The following APAF1 variants were observed in gnomAD, a reference collection of about 807,000 sequenced individuals.
APAF1 encodes the protein apoptotic peptidase activating factor 1.
APAF1 carries 91 observed loss-of-function variants against 152.4 expected under a neutral mutation model. The observed-to-expected ratio is 0.60, with a 90% CI of 0.50 to 0.71. The LOEUF (loss-of-function observed/expected upper bound fraction) is 0.71, where lower values mean the gene tolerates loss of function less well. Ranked by LOEUF, APAF1 falls within the 30% of genes least tolerant of loss-of-function variation. The probability of loss-of-function intolerance (pLI) is 0.00; values close to 1 mark genes in which losing one functional copy is unlikely to be tolerated. For missense variants in APAF1, 1,283 were observed against 1,472.0 expected (o/e 0.87, Z 2.10); for synonymous variants, 484 against 494.1 (o/e 0.98, Z 0.27).
chr12:98,666,651 T>C (rs149604516), intron 9 of APAF1, among the ~76,000 whole-genome samples: 1 of 152,314 alleles, frequency 6.6e-6, no homozygotes, highest in Non-Finnish European at 1.5e-5. Flanking sequence ...TCTCCTCAAA[T>C]CTGTGAAAAT....
In APAF1 at chr12:98,696,895, A is replaced by G. The variant is rs116039326; in HGVS notation, c.2305-2513A>G. ...TGGATTTTAAACCCTGAAAAAGAAA[A>G]AAGTATACTTCCTGGCTGTTCTGAA... On this transcript the variant is annotated intron_variant, in intron 16 of 26. Coordinates refer to ENST00000551964, the MANE Select transcript of APAF1 (RefSeq NM_181861.2). Among the ~76,000 whole-genome samples, 1,001 of 152,320 alleles carry G rather than the reference A, an allele frequency of 6.6e-3. 12 individuals are homozygous for G. Among genetic ancestry groups the G allele is most frequent in the African/African-American group, 0.023 (941 of 41,572 alleles).
In APAF1 at chr12:98,671,033, C is replaced by T. The variant is rs544766657; in HGVS notation, c.1555C>T (p.Pro519Ser). ...WIKAKTELVG[P>S]AHLIHEFVEY... ...TAAAGCAAAAACAGAACTTGTAGGC[C>T]CTGCTCATCTGATTCATGAATTTGT... Residue 519 changes from proline (P) to serine (S), a missense_variant, in exon 11 of 27, where the codon CCT becomes TCT. Pro to Ser is a moderately conservative substitution (Grantham distance 74). Transcript: ENST00000551964. The T allele has an allele frequency of 3.7e-6, 6 of 1,612,064 alleles. No individual in the cohort carries two copies. In the South Asian group the frequency reaches 6.6e-5, roughly 18 times the overall value.
Position 98,715,463 on chromosome 12 carries a change from A to G in APAF1, c.2995A>G (p.Arg999Gly), listed in dbSNP as rs773591717. ...TGTAAACAATAGAATCTTCCAGTCC[A>G]GGTTTCAGCACAAGAAAACTGTATG... ...ELVNNRIFQS[R>G]FQHKKTVWHI... The change falls in exon 22 of 27, where the codon AGG (arginine) becomes GGG (glycine). Residue 999 changes from arginine (R) to glycine (G), a missense_variant. By Grantham distance (125) the Arg-to-Gly change is moderately radical. Coordinates refer to ENST00000551964, the MANE Select transcript of APAF1 (RefSeq NM_181861.2). 28 of 1,613,534 alleles carry G rather than the reference A, an allele frequency of 1.7e-5. No individual in the cohort carries two copies. Among genetic ancestry groups the G allele is most frequent in the Non-Finnish European group, 2.4e-5 (28 of 1,179,734 alleles).
rs2097666615 is a variant in APAF1, at chr12:98,662,356, T to A, written c.711-100T>A. 4 of 886,542 alleles carry A rather than the reference T, an allele frequency of 4.5e-6. 1 individual carries two copies. The highest frequency in any genetic ancestry group is 4.5e-5 in the South Asian group (3 of 66,502). 54.9% of individuals were successfully genotyped at this position (886,542 alleles called of 1,614,324 possible). ...AGCCATCTATTTGTTTTAAAAAAAA[T>A]TTAATTTGGTAGATTTTAAAAGACA... is the stretch of plus-strand genomic sequence containing the variant. On this transcript the variant is annotated intron_variant, in intron 5 of 26. Coordinates refer to ENST00000551964, the MANE Select transcript of APAF1 (RefSeq NM_181861.2).
At chr12:98,659,535 T>G (rs1593029572) in intron 5 of APAF1, among the ~76,000 whole-genome samples, 192 bp downstream of exon 5, 1 of 152,200 alleles carries the variant, frequency 6.6e-6, no homozygotes, top group East Asian at 1.9e-4. Context: ...TTGGATTACC[T>G]GAGGTCAGGA....
intron 20 of APAF1, 74 bp from the exon 21 acceptor site, chr12:98,712,245 A>G (rs1056205452): frequency 2.4e-6 from 2 of 829,864 alleles, no homozygotes; most frequent in African/African-American, 1.7e-5. Flanking sequence ...ATTTTTTTCA[A>G]TTGAAGCCTC....
rs1198534474 is a variant in APAF1, at chr12:98,665,276, A to ATTTTTT, written c.956-276_956-275insTTTTTT. On this transcript the variant is annotated intron_variant, in intron 7 of 26. Coordinates refer to ENST00000551964, the MANE Select transcript of APAF1 (RefSeq NM_181861.2). ...GGCGCATATATATATATATATATAT[A>ATTTTTT]TATTTTTTTTTTTTTTTGTAATGAC... 5.6e-3 allele frequency among the ~76,000 whole-genome samples: 382 copies of ATTTTTT among 67,818 alleles called. 1 individual carries two copies. Among genetic ancestry groups the ATTTTTT allele is most frequent in the East Asian group, 0.035 (55 of 1,568 alleles). 44.5% of individuals were successfully genotyped at this position (67,818 alleles called of 152,430 possible).
chr12:98,653,343 A>G (rs575546305), intron 4 of APAF1, among the ~76,000 whole-genome samples: 1 of 152,004 alleles, frequency 6.6e-6, no homozygotes, highest in Non-Finnish European at 1.5e-5. Context: ...GGTGATTGGC[A>G]TAAATTAAAG....
rs546014793 is a variant in APAF1 at position 98,693,792 on chromosome 12, G to GTT, written c.2305-5601_2305-5600dup. ...TTTAAATTGGAACACTTGTTTTTCA[G>GTT]TTTTTTTTTTTTTTTTCGTCTTCTT... On this transcript the variant is annotated intron_variant, in intron 16 of 26. Coordinates refer to ENST00000551964, the MANE Select transcript of APAF1 (RefSeq NM_181861.2). Among the ~76,000 whole-genome samples, 160 of 129,754 alleles carry GTT rather than the reference G, an allele frequency of 1.2e-3. 3 individuals carry two copies. The South Asian group carries it at 0.019, about 15-fold the overall frequency. 85.1% of individuals were successfully genotyped at this position (129,754 alleles called of 152,430 possible).
chr12:98,731,177 T>G (rs2097760660), intron 26 of APAF1, among the ~76,000 whole-genome samples: 1 of 152,210 alleles, frequency 6.6e-6, no homozygotes, highest in South Asian at 2.1e-4. Flanking sequence ...TATCTGTAAA[T>G]TGATGTAATG....
At chr12:98,656,870 T>C (rs1346166994) in intron 4 of APAF1, among the ~76,000 whole-genome samples, 1 of 152,222 alleles carries the variant, frequency 6.6e-6, no homozygotes. Context: ...TCCAGCTGAA[T>C]GCTTTGAGGT....
chr12:98,732,593 C>A lies in APAF1; in HGVS notation c.*27C>A. 6.7e-7 allele frequency: 1 copy of A among 1,485,860 alleles called. No individual in the cohort carries two copies. Among genetic ancestry groups the A allele is most frequent in the Non-Finnish European group, 9.2e-7 (1 of 1,081,828 alleles). 92.0% of individuals were successfully genotyped at this position (1,485,860 alleles called of 1,614,324 possible). On this transcript the variant is annotated 3_prime_UTR_variant, in exon 27 of 27. Transcript: ENST00000551964. ...ATAGTTAAGCATTAATGTAGTTGAA[C>A]TTTTTAAATTTTTGAATTGGAAAAA...
chr12:98,693,341 G>C (rs2097706359), intron 16 of APAF1, among the ~76,000 whole-genome samples: 1 of 151,914 alleles, frequency 6.6e-6, no homozygotes, highest in African/African-American at 2.4e-5. Context: ...TGATCCTTTG[G>C]CCTCAGCCTC....
chr12:98,671,345 A>G (rs2097679875), intron 11 of APAF1, among the ~76,000 whole-genome samples, 190 bp from the exon 12 acceptor site: 1 of 152,160 alleles, frequency 6.6e-6, no homozygotes, highest in Admixed American at 6.6e-5. Context: ...TTTGATAATG[A>G]GATTTTTACC....
At chr12:98,726,151 A>G (rs2097750271) in intron 25 of APAF1, among the ~76,000 whole-genome samples, 1 of 152,196 alleles carries the variant, frequency 6.6e-6, no homozygotes, top group Non-Finnish European at 1.5e-5. Flanking sequence ...AACCATGCCA[A>G]TTTTATTTAG....
At chr12:98,719,598 C>T (rs983728321) in intron 22 of APAF1, among the ~76,000 whole-genome samples, 1 of 151,772 alleles carries the variant, frequency 6.6e-6, no homozygotes, top group African/African-American at 2.4e-5. Flanking sequence ...GTGATCCTCC[C>T]GCCTCAGCCT....
At chr12:98,660,789 T>A (rs781574920) in intron 5 of APAF1, among the ~76,000 whole-genome samples, 62 of 152,216 alleles carry the variant, frequency 4.1e-4, no homozygotes, top group Non-Finnish European at 4.6e-4. Context: ...CTGCACTTTT[T>A]AAAAATGCCC....
intron 14 of APAF1, among the ~76,000 whole-genome samples, chr12:98,682,023 T>C (rs2153324509): frequency 6.6e-6 from 1 of 151,918 alleles, no homozygotes; most frequent in Non-Finnish European, 1.5e-5. Flanking sequence ...TTGTCTTACA[T>C]AGTAACTAGA....
chr12:98,661,893 A>G (rs910857217), intron 5 of APAF1, among the ~76,000 whole-genome samples: 1 of 152,234 alleles, frequency 6.6e-6, no homozygotes, highest in South Asian at 2.1e-4. Flanking sequence ...GGAGAGAACA[A>G]CTGGGAACTG....
Sources: allele counts gnomAD v4.1 joint callset (sites outside exome capture counted in the v4.1 genomes callset), GRCh38; gene constraint gnomAD v4.1.1; transcripts MANE v1.5; gene names NCBI Gene and HGNC (gene_info 2026-07-23, HGNC 2026-07-21).